The following L3MBTL4 variants were observed in gnomAD, a reference collection of about 807,000 sequenced individuals.
L3MBTL4 encodes lethal(3)malignant brain tumor-like protein 4.
Under a neutral mutation model 84.5 loss-of-function variants are expected in L3MBTL4, and 70 were observed. That is an observed-to-expected ratio of 0.83 (90% CI 0.68 to 1.01). The LOEUF (loss-of-function observed/expected upper bound fraction) is 1.01, where lower values mean the gene tolerates loss of function less well. L3MBTL4 is among the 50% of genes least tolerant of loss of function. The probability of loss-of-function intolerance (pLI) is 0.00; values close to 1 mark genes in which losing one functional copy is unlikely to be tolerated. For synonymous variants in L3MBTL4, 274 were observed against 259.8 expected, an observed-to-expected ratio of 1.05 and a Z score of -0.52; for missense variants, 715 against 754.8, an observed-to-expected ratio of 0.95 and a Z score of 0.62.
chr18:6,295,338 C>A (rs1316149065), intron 4 of L3MBTL4, among the ~76,000 whole-genome samples: 37 of 126,506 alleles, frequency 2.9e-4, no homozygotes, highest in African/African-American at 3.6e-4. Context: ...CTCTCTCTCT[C>A]TCTCTCTCTA....
At chr18:6,327,611 A>G (rs1367680743) in intron 1 of L3MBTL4, among the ~76,000 whole-genome samples, 7 of 152,226 alleles carry the variant, frequency 4.6e-5, no homozygotes, top group Admixed American at 3.3e-4. Context: ...CAACGACAGC[A>G]TAGCAATTAT....
At chr18:6,116,086 G>A (rs1248616022) in intron 14 of L3MBTL4, among the ~76,000 whole-genome samples, 1 of 152,194 alleles carries the variant, frequency 6.6e-6, no homozygotes, top group African/African-American at 2.4e-5. Context: ...ATAGAAAGCT[G>A]GACAGAGATG....
chr18:6,306,963 A>G (rs1357901944), intron 3 of L3MBTL4, among the ~76,000 whole-genome samples: 1 of 152,142 alleles, frequency 6.6e-6, no homozygotes, highest in Non-Finnish European at 1.5e-5. Context: ...TAATAGCAAC[A>G]TCTGCTCGAA....
intron 16 of L3MBTL4, chr18:6,029,540 A>G (rs181400510): frequency 1.0e-6 from 1 of 985,360 alleles, no homozygotes; most frequent in East Asian, 1.1e-4. Flanking sequence ...ACATCAAGGA[A>G]GAAATACGTC....
At chr18:5,961,699 T>C (rs989314691) in intron 17 of L3MBTL4, among the ~76,000 whole-genome samples, 5 of 152,186 alleles carry the variant, frequency 3.3e-5, no homozygotes, top group Non-Finnish European at 7.3e-5. Flanking sequence ...GCTCTTAGTA[T>C]TACGAGCTAA....
chr18:6,045,663 C>A (rs2056586789), intron 16 of L3MBTL4, among the ~76,000 whole-genome samples: 1 of 152,162 alleles, frequency 6.6e-6, no homozygotes, highest in Non-Finnish European at 1.5e-5. Context: ...AGTCACCTCC[C>A]ACTGGGTCCC....
At chr18:5,979,937 C>A (rs2053128455) in intron 16 of L3MBTL4, among the ~76,000 whole-genome samples, 1 of 152,210 alleles carries the variant, frequency 6.6e-6, no homozygotes, top group African/African-American at 2.4e-5. Context: ...ATGACAGCCA[C>A]CTGGGCTCTG....
chr18:6,332,126 A>G (rs1372147119), intron 1 of L3MBTL4, among the ~76,000 whole-genome samples: 2 of 152,170 alleles, frequency 1.3e-5, no homozygotes, highest in Non-Finnish European at 1.5e-5. Context: ...ATATCATGTC[A>G]TCAGCTTCTC....
intron 16 of L3MBTL4, among the ~76,000 whole-genome samples, chr18:6,043,636 A>T (rs9961686): frequency 0.016 from 2,502 of 152,328 alleles, 75 homozygotes; most frequent in African/African-American, 0.057. Context: ...AATACGGTCA[A>T]TCGATTAATC....
intron 10 of L3MBTL4, among the ~76,000 whole-genome samples, chr18:6,222,312 G>T (rs2145896731): frequency 6.6e-6 from 1 of 152,274 alleles, no homozygotes; most frequent in Middle Eastern, 3.4e-3. Context: ...CAGCACCTCA[G>T]GAGCTTGTCA....
At chr18:6,320,985 C>A (rs975899199) in intron 1 of L3MBTL4, among the ~76,000 whole-genome samples, 1 of 151,832 alleles carries the variant, frequency 6.6e-6, no homozygotes, top group Non-Finnish European at 1.5e-5. Context: ...TGGGGAAGGG[C>A]CACCCTATTT....
intron 16 of L3MBTL4, among the ~76,000 whole-genome samples, chr18:6,037,566 G>A (rs1332354442): frequency 6.6e-6 from 1 of 152,230 alleles, no homozygotes; most frequent in South Asian, 2.1e-4. Flanking sequence ...GGAAATTTGT[G>A]CAGGGCACTT....
At chr18:6,294,890 A>G (rs2050023488) in intron 4 of L3MBTL4, among the ~76,000 whole-genome samples, 1 of 152,120 alleles carries the variant, frequency 6.6e-6, no homozygotes, top group Admixed American at 6.6e-5. Flanking sequence ...GTGTCACAGG[A>G]AGTTCTTTAA....
intron 14 of L3MBTL4, among the ~76,000 whole-genome samples, chr18:6,099,680 C>T (rs1279647946): frequency 7.0e-6 from 1 of 143,582 alleles, no homozygotes. Flanking sequence ...AAAATCAGTT[C>T]ACCTAAGATA....
chr18:6,056,455 T>G, intron 16 of L3MBTL4, among the ~76,000 whole-genome samples: 1 of 152,200 alleles, frequency 6.6e-6, no homozygotes, highest in East Asian at 1.9e-4. Context: ...TCTGAAGTGT[T>G]ATTAGCCTAC....
At chr18:6,350,036 A>G (rs944978975) in intron 1 of L3MBTL4, among the ~76,000 whole-genome samples, 2 of 152,252 alleles carry the variant, frequency 1.3e-5, no homozygotes, top group Non-Finnish European at 2.9e-5. Flanking sequence ...AATGGCATTG[A>G]GAAAACTGGA....
intron 1 of L3MBTL4, among the ~76,000 whole-genome samples, chr18:6,356,200 T>C (rs770269304): frequency 1.3e-5 from 2 of 152,224 alleles, no homozygotes; most frequent in Non-Finnish European, 2.9e-5. Context: ...TCCCAGTACC[T>C]GGTGCAAGAT....
chr18:6,133,920 A>C (rs2059951093), intron 14 of L3MBTL4, among the ~76,000 whole-genome samples: 1 of 152,186 alleles, frequency 6.6e-6, no homozygotes, highest in Admixed American at 6.5e-5. Context: ...TAAGGGAAAA[A>C]TGCCTCAAAT....
intron 16 of L3MBTL4, among the ~76,000 whole-genome samples, chr18:6,066,491 T>C (rs187425436): frequency 2.0e-5 from 3 of 152,272 alleles, no homozygotes; most frequent in Non-Finnish European, 4.4e-5. Context: ...GTCTACCTTA[T>C]TTCTTGGGTC....
Sources: allele counts gnomAD v4.1 joint callset (sites outside exome capture counted in the v4.1 genomes callset), GRCh38; gene constraint gnomAD v4.1.1; transcripts MANE v1.5; gene names NCBI Gene and HGNC (gene_info 2026-07-23, HGNC 2026-07-21).